GRID2: variants seen among roughly 807,000 people sequenced by gnomAD.
The protein encoded by GRID2 is glutamate receptor ionotropic, delta-2.
A neutral mutation model predicts 114.8 loss-of-function variants in GRID2; 33 were observed. The ratio of observed to expected loss-of-function variants is 0.29; its 90% confidence interval spans 0.22 to 0.38. GRID2 has a LOEUF of 0.38. Ranked by LOEUF, GRID2 falls within the 10% of genes least tolerant of loss-of-function variation. The pLI, the probability that GRID2 is intolerant of heterozygous loss-of-function variation, is 1.00. For synonymous variants in GRID2, 505 were observed against 449.9 expected (o/e 1.12, Z -1.55); for missense variants, 1,184 against 1,257.7 (o/e 0.94, Z 0.89).
chr4:92,995,194 T>C (rs1381108223), intron 2 of GRID2, among the ~76,000 whole-genome samples: 1 of 152,176 alleles, frequency 6.6e-6, no homozygotes, highest in Non-Finnish European at 1.5e-5. Flanking sequence ...TTTATGCTTA[T>C]CAGTAGAGGT....
chr4:92,669,289 C>A (rs947679634), intron 2 of GRID2, among the ~76,000 whole-genome samples: 4 of 151,844 alleles, frequency 2.6e-5, no homozygotes, highest in Non-Finnish European at 4.4e-5. Flanking sequence ...CCTTATAATA[C>A]TCACTGCCAG....
intron 1 of GRID2, among the ~76,000 whole-genome samples, chr4:92,468,729 T>C: frequency 1.3e-5 from 2 of 152,222 alleles, no homozygotes; most frequent in Middle Eastern, 6.8e-3. Flanking sequence ...AAATATATTA[T>C]GTCTGAGTTT....
chr4:93,001,233 T>A (rs1462434065), intron 2 of GRID2, among the ~76,000 whole-genome samples: 2 of 151,654 alleles, frequency 1.3e-5, no homozygotes, highest in Non-Finnish European at 3.0e-5. Context: ...ATTTAAAAAA[T>A]AAAAATGTTA....
At chr4:92,831,708 T>C (rs1368004913) in intron 2 of GRID2, among the ~76,000 whole-genome samples, 1 of 151,840 alleles carries the variant, frequency 6.6e-6, no homozygotes, top group African/African-American at 2.4e-5. Flanking sequence ...TAAAGTAAAG[T>C]TAGCTGGGGG....
chr4:92,704,701 A>ATCTCTCTT (rs1553918655), intron 2 of GRID2, among the ~76,000 whole-genome samples: 8 of 113,666 alleles, frequency 7.0e-5, no homozygotes, highest in African/African-American at 2.6e-4. Context: ...CAATCAATCA[A>ATCTCTCTT]TCTCTCTCTC....
intron 14 of GRID2, among the ~76,000 whole-genome samples, chr4:93,756,850 T>C (rs1232853684): frequency 6.6e-6 from 1 of 152,236 alleles, no homozygotes; most frequent in Non-Finnish European, 1.5e-5. Context: ...TGTGGTGTAA[T>C]GAATAGGATG....
At chr4:92,773,445 G>C (rs1436824130) in intron 2 of GRID2, among the ~76,000 whole-genome samples, 1 of 152,080 alleles carries the variant, frequency 6.6e-6, no homozygotes. Context: ...AAGCAACAAT[G>C]ATAAACAGCT....
At chr4:92,877,598 T>C (rs1471539655) in intron 2 of GRID2, among the ~76,000 whole-genome samples, 4 of 152,158 alleles carry the variant, frequency 2.6e-5, no homozygotes, top group Admixed American at 2.0e-4. Context: ...AGCCCAAATA[T>C]ACAGTTTGTT....
chr4:93,098,989 C>CTCTGTGTG (rs1553986877), intron 3 of GRID2, among the ~76,000 whole-genome samples: 1 of 138,908 alleles, frequency 7.2e-6, no homozygotes, highest in African/African-American at 2.7e-5. Context: ...AGATCATTTC[C>CTCTGTGTG]TGTGTGTGTG....
intron 2 of GRID2, among the ~76,000 whole-genome samples, chr4:92,851,070 T>C (rs1370548440): frequency 6.6e-6 from 1 of 151,946 alleles, no homozygotes; most frequent in Non-Finnish European, 1.5e-5. Flanking sequence ...GAAATATTTT[T>C]AATTTGCAGC....
intron 13 of GRID2, among the ~76,000 whole-genome samples, chr4:93,559,285 C>T (rs1176604434): frequency 2.0e-5 from 3 of 152,138 alleles, no homozygotes; most frequent in East Asian, 1.9e-4. Context: ...AAACTATCAT[C>T]AGAGTGAACA....
intron 1 of GRID2, among the ~76,000 whole-genome samples, chr4:92,484,724 ATAG>A (rs1253497358): frequency 1.3e-5 from 2 of 152,118 alleles, no homozygotes; most frequent in African/African-American, 2.4e-5. Context: ...AGATATTGAG[ATAG>A]TAGGATGATT....
At chr4:92,700,412 A>G (rs942744632) in intron 2 of GRID2, among the ~76,000 whole-genome samples, 1 of 152,182 alleles carries the variant, frequency 6.6e-6, no homozygotes, top group Non-Finnish European at 1.5e-5. Flanking sequence ...CATATATTCT[A>G]AGACTATCCT....
intron 2 of GRID2, among the ~76,000 whole-genome samples, chr4:92,620,798 G>T (rs1004089881): frequency 1.6e-4 from 24 of 151,156 alleles, no homozygotes; most frequent in African/African-American, 5.1e-4. Flanking sequence ...GTTGTGGGGT[G>T]GGGGGAGTGG....
chr4:93,387,973 G>A (rs769051205), intron 8 of GRID2, among the ~76,000 whole-genome samples: 1 of 151,940 alleles, frequency 6.6e-6, no homozygotes, highest in Non-Finnish European at 1.5e-5. Flanking sequence ...TTTAATAAAT[G>A]GGAAGAGGAA....
chr4:93,056,632 T>A (rs1319242561), intron 2 of GRID2, among the ~76,000 whole-genome samples: 3 of 152,002 alleles, frequency 2.0e-5, no homozygotes, highest in Non-Finnish European at 4.4e-5. Flanking sequence ...TTACCTTTTT[T>A]ATTTCTAACT....
chr4:92,675,840 T>C (rs921509883), intron 2 of GRID2, among the ~76,000 whole-genome samples: 7 of 151,500 alleles, frequency 4.6e-5, no homozygotes, highest in South Asian at 2.1e-4. Flanking sequence ...AGGCGTGAGC[T>C]ACCACGCCTG....
chr4:93,327,880 A>G (rs1038407999), intron 8 of GRID2, among the ~76,000 whole-genome samples: 1 of 152,138 alleles, frequency 6.6e-6, no homozygotes, highest in Non-Finnish European at 1.5e-5. Context: ...TACCCCATAA[A>G]TTTATATAAA....
intron 2 of GRID2, among the ~76,000 whole-genome samples, chr4:92,954,622 A>C (rs888806681): frequency 6.9e-6 from 1 of 144,348 alleles, no homozygotes; most frequent in Non-Finnish European, 1.5e-5. Flanking sequence ...TTTTTTTTTT[A>C]TTATTATTAT....
Sources: allele counts gnomAD v4.1 joint callset (sites outside exome capture counted in the v4.1 genomes callset), GRCh38; gene constraint gnomAD v4.1.1; transcripts MANE v1.5; gene names NCBI Gene and HGNC (gene_info 2026-07-23, HGNC 2026-07-21).